The following SPP1 variants were observed in gnomAD, a reference collection of about 807,000 sequenced individuals.
SPP1 encodes the protein secreted phosphoprotein 1, also known as osteopontin.
SPP1 carries 18 observed loss-of-function variants against 20.8 expected under a neutral mutation model. That is an observed-to-expected ratio of 0.87 (90% CI 0.60 to 1.29). The LOEUF (loss-of-function observed/expected upper bound fraction) is 1.29, where lower values mean the gene tolerates loss of function less well. Ranked by LOEUF, SPP1 falls within the 50% of genes most tolerant of loss-of-function variation. The pLI is 0.00. For missense variants in SPP1, 363 were observed against 389.0 expected (o/e 0.93, Z 0.56); for synonymous variants, 146 against 141.5 (o/e 1.03, Z -0.23).
intron 6 of SPP1, 68 bp downstream of exon 6, chr4:87,981,866 A>G (rs1409382393): frequency 1.5e-6 from 2 of 1,315,792 alleles, no homozygotes; most frequent in Non-Finnish European, 2.1e-6. Context: ...CACAGTTTGC[A>G]TATTCATTCA....
At chr4:87,977,933 A>G (rs1227443096) in intron 3 of SPP1, 1 of 875,164 alleles carries the variant, frequency 1.1e-6, no homozygotes, top group Admixed American at 5.3e-5. Context: ...GAATCCTAAT[A>G]ATAAACCAGA....
At position 87,976,960 on chromosome 4, in the gene SPP1, T is replaced by C; in HGVS notation, c.54+11T>C. Reference sequence around the variant, plus strand: ...ACCTGTGCCATACCAGTGAGTACAGTTGCATCTTAAAGAAAATTCCTGAAA... The same window carrying C: ...ACCTGTGCCATACCAGTGAGTACAGCTGCATCTTAAAGAAAATTCCTGAAA... On this transcript the variant is annotated intron_variant, in intron 2 of 6. Coordinates refer to ENST00000395080, the MANE Select transcript of SPP1 (RefSeq NM_001040058.2). 20 of 1,613,638 alleles carry C rather than the reference T, an allele frequency of 1.2e-5. No individual in the cohort carries two copies. The highest frequency in any genetic ancestry group is 1.7e-5 in the Non-Finnish European group (20 of 1,179,576).
chr4:87,982,523 C>T lies in SPP1; in HGVS notation c.572C>T (p.Ser191Leu). 1.2e-6 allele frequency: 2 copies of T among 1,614,160 alleles called. No homozygotes were observed. Among genetic ancestry groups the T allele is most frequent in the Non-Finnish European group, 1.7e-6 (2 of 1,180,010 alleles). ...GATGCTACAGACGAGGACATCACCT[C>T]ACACATGGAAAGCGAGGAGTTGAAT... ...YPDATDEDIT[S>L]HMESEELNGA... The change falls in exon 7 of 7, where the codon TCA becomes TTA. Residue 191 changes from serine (S) to leucine (L), a missense_variant. Coordinates refer to ENST00000395080, the MANE Select transcript of SPP1 (RefSeq NM_001040058.2).
chr4:87,982,162 G>A (rs1725675553), intron 6 of SPP1, among the ~76,000 whole-genome samples: 1 of 152,112 alleles, frequency 6.6e-6, no homozygotes, highest in African/African-American at 2.4e-5. Flanking sequence ...CTTAGTCACA[G>A]AATCTGGATT....
chr4:87,979,957 T>G (rs753342177), intron 3 of SPP1, 89 bp from the exon 4 acceptor site: 6 of 1,314,484 alleles, frequency 4.6e-6, no homozygotes, highest in Non-Finnish European at 6.4e-6. Flanking sequence ...ACTATATGCT[T>G]CCATCAAGAC....
intron 3 of SPP1, among the ~76,000 whole-genome samples, chr4:87,979,260 G>A (rs1725544843): frequency 6.7e-6 from 1 of 149,900 alleles, no homozygotes; most frequent in Admixed American, 6.7e-5. Context: ...TGCCTCCTGG[G>A]TTCACGCCAT....
In SPP1 at chr4:87,976,874, T is replaced by G. The variant is rs201081878; in HGVS notation, c.-14-8T>G. The G allele has an allele frequency of 4.2e-5, 67 of 1,609,990 alleles. No individual in the cohort carries two copies. The highest frequency in any genetic ancestry group is 5.4e-5 in the Non-Finnish European group (63 of 1,176,534). ...GATGTCAGCTATTCCTTATGAAATATTTTGCAGGAAAACTCACTACCATGA... is the reference window on the plus strand; with the variant it reads ...GATGTCAGCTATTCCTTATGAAATAGTTTGCAGGAAAACTCACTACCATGA... On this transcript the variant is annotated splice_polypyrimidine_tract_variant and splice_region_variant and intron_variant, in intron 1 of 6. Transcript: ENST00000395080.
intron 5 of SPP1, 171 bp downstream of exon 5, chr4:87,980,605 T>G (rs1725601466): frequency 4.5e-6 from 3 of 664,970 alleles, no homozygotes; most frequent in Non-Finnish European, 7.7e-6. Flanking sequence ...AATACTAGGT[T>G]TCCTCGGATA....
chr4:87,981,420 G>A, intron 5 of SPP1, 55 bp from the exon 6 acceptor site: 1 of 1,500,464 alleles, frequency 6.7e-7, no homozygotes, highest in South Asian at 1.2e-5. Flanking sequence ...TGCTATAAAG[G>A]CTAAGGGAAA....
At chr4:87,976,078 C>T (rs1392477751) in intron 1 of SPP1, among the ~76,000 whole-genome samples, 2 of 152,102 alleles carry the variant, frequency 1.3e-5, no homozygotes, top group Non-Finnish European at 2.9e-5. Flanking sequence ...ATTAAATTCC[C>T]CTTTGGAATA....
intron 4 of SPP1, 101 bp downstream of exon 4, chr4:87,980,227 A>C: frequency 6.7e-7 from 1 of 1,482,448 alleles, no homozygotes; most frequent in Non-Finnish European, 9.4e-7. Context: ...GCTGGCAAAC[A>C]TGTGCTTAGG....
intron 3 of SPP1, 46 bp downstream of exon 3, chr4:87,977,143 T>G: frequency 6.3e-7 from 1 of 1,578,678 alleles, no homozygotes; most frequent in Non-Finnish European, 8.7e-7. Flanking sequence ...TTTACTCAAT[T>G]ATGGCGAGAG....
rs1269833822 is a variant in SPP1 at position 87,981,733 on chromosome 4, C to T, written c.475C>T (p.Arg159Ter). Residue 159 changes from arginine to a stop codon, truncating the protein, a stop_gained, in exon 6 of 7, where the codon CGA becomes TGA. Transcript: ENST00000395080. LOFTEE classifies it high-confidence loss of function. ...VVPTVDTYDG[R>*]GDSVVYGLRS... ...CCCCACAGTAGACACATATGATGGC[C>T]GAGGTGATAGTGTGGTTTATGGACT... 3.7e-6 allele frequency: 6 copies of T among 1,613,936 alleles called. No homozygotes were observed. The highest frequency in any genetic ancestry group is 5.1e-6 in the Non-Finnish European group (6 of 1,180,016).
At position 87,981,491 on chromosome 4, in the gene SPP1, C is replaced by T. The variant is rs756721451; in HGVS notation, c.233C>T (p.Ser78Phe). Residue 78 changes from serine to phenylalanine, a missense_variant, in exon 6 of 7, where the codon TCC (serine) becomes TTC (phenylalanine). Coordinates refer to ENST00000395080, the MANE Select transcript of SPP1 (RefSeq NM_001040058.2). ...DFKQETLPSKSNESHDHMDDM... is the reference protein window; with the variant it reads ...DFKQETLPSKFNESHDHMDDM... ...AATTTTCAGACCCTTCCAAGTAAGT[C>T]CAACGAAAGCCATGACCACATGGAT... 14 of 1,613,834 alleles carry T rather than the reference C, an allele frequency of 8.7e-6. No homozygotes were observed. Among genetic ancestry groups the T allele is most frequent in the East Asian group, 2.2e-5 (1 of 44,888 alleles).
chr4:87,980,222 C>A, intron 4 of SPP1, 96 bp downstream of exon 4: 1 of 1,501,542 alleles, frequency 6.7e-7, no homozygotes. Context: ...TGCCTGCTGG[C>A]AAACATGTGC....
rs1419788056 is a variant in SPP1 at position 87,982,938 on chromosome 4, AG to A, written c.*43del. The A allele has an allele frequency of 6.5e-7, 1 of 1,529,438 alleles. No homozygotes were observed. Among genetic ancestry groups the A allele is most frequent in the Non-Finnish European group, 8.8e-7 (1 of 1,139,692 alleles). The allele number at this position is 1,529,438 out of a possible 1,614,324, so 94.7% of individuals were successfully genotyped here. A position where few individuals can be genotyped will look rare whatever the true frequency, so the allele number is the denominator to read the frequency against. ...ATTTCTCACTTTGCATTTAGTCAAA[AG>A]AAAAAATGCTTTATAGCAAAATGAA... On this transcript the variant is annotated 3_prime_UTR_variant, in exon 7 of 7. Coordinates refer to ENST00000395080, the MANE Select transcript of SPP1 (RefSeq NM_001040058.2).
chr4:87,981,576 C>G lies in SPP1; in HGVS notation c.318C>G (p.Asn106Lys). ...HVDSQDSIDS[N>K]DSDDVDDTDD... ...ACAGCCAGGACTCCATTGACTCGAA[C>G]GACTCTGATGATGTAGATGACACTG... is the stretch of plus-strand genomic sequence containing the variant. The change falls in exon 6 of 7, where the codon AAC becomes AAG. Residue 106 changes from asparagine (N) to lysine (K), a missense_variant. By Grantham distance (94) the Asn-to-Lys change is moderately conservative. Transcript: ENST00000395080. The G allele has an allele frequency of 1.9e-6, 3 of 1,614,086 alleles. No individual in the cohort carries two copies. The highest frequency in any genetic ancestry group is 2.5e-6 in the Non-Finnish European group (3 of 1,179,988).
Position 87,975,790 on chromosome 4 carries a change from C to G in SPP1, c.-25C>G, listed in dbSNP as rs1246439047. The G allele has an allele frequency of 6.6e-6, 1 of 152,334 alleles. No individual in the cohort carries two copies. Among genetic ancestry groups the G allele is most frequent in the Non-Finnish European group, 1.5e-5 (1 of 68,126 alleles). The allele number at this position is 152,334 out of a possible 1,614,324, so 9.4% of individuals were successfully genotyped here. A position where few individuals can be genotyped will look rare whatever the true frequency, so the allele number is the denominator to read the frequency against. On this transcript the variant is annotated 5_prime_UTR_variant, in exon 1 of 7. Transcript: ENST00000395080. ...GCCAGTTGCAGCCTTCTCAGCCAAA[C>G]GCCGACCAAGGTACAGCTTCAGTTT...
chr4:87,979,087 G>T (rs1408352669), intron 3 of SPP1, among the ~76,000 whole-genome samples: 1 of 151,786 alleles, frequency 6.6e-6, no homozygotes, highest in Non-Finnish European at 1.5e-5. Context: ...TTCTACATTG[G>T]CTGATAAGAT....
Sources: gnomAD v4.1 joint callset for allele counts (sites outside exome capture counted in the v4.1 genomes callset) on GRCh38, gnomAD v4.1.1 for gene constraint, MANE v1.5 for transcripts, NCBI Gene and HGNC (gene_info 2026-07-23, HGNC 2026-07-21) for gene names.